FTO: variants seen among roughly 807,000 people sequenced by gnomAD.
FTO encodes alpha-ketoglutarate-dependent dioxygenase FTO.
A neutral mutation model predicts 63.9 loss-of-function variants in FTO; 47 were observed. That is an observed-to-expected ratio of 0.74 (90% confidence interval 0.58 to 0.94). The LOEUF is 0.94. FTO is among the 40% of genes least tolerant of loss of function. The pLI is 0.00. For missense variants in FTO, 562 were observed against 618.1 expected (o/e 0.91, Z 0.96); for synonymous variants, 207 against 224.4 (o/e 0.92, Z 0.69).
chr16:53,990,483 C>G (rs918684505), intron 8 of FTO, among the ~76,000 whole-genome samples: 11 of 152,216 alleles, frequency 7.2e-5, no homozygotes, highest in African/African-American at 2.4e-4. Context: ...TCACACCAGA[C>G]AGCGGCAGGC....
At chr16:53,836,006 A>G (rs779947538) in intron 3 of FTO, among the ~76,000 whole-genome samples, 8 of 150,768 alleles carry the variant, frequency 5.3e-5, no homozygotes, top group Non-Finnish European at 1.2e-4. Flanking sequence ...TTCTTCTGCC[A>G]CAGCCTCCTG....
chr16:53,929,242 C>T (rs1285869379), intron 7 of FTO, among the ~76,000 whole-genome samples: 2 of 152,198 alleles, frequency 1.3e-5, no homozygotes, highest in South Asian at 2.1e-4. Context: ...TCTTGCCCAA[C>T]CGAATCCCTA....
At chr16:53,819,838 C>T (rs1485161849) in intron 2 of FTO, among the ~76,000 whole-genome samples, 1 of 151,960 alleles carries the variant, frequency 6.6e-6, no homozygotes, top group Non-Finnish European at 1.5e-5. Context: ...TTTAGCACCC[C>T]AAAAAGATCT....
intron 8 of FTO, among the ~76,000 whole-genome samples, chr16:53,950,725 A>G (rs543438612): frequency 5.4e-4 from 83 of 152,344 alleles, no homozygotes; most frequent in African/African-American, 1.9e-3. Context: ...CTTACTAAAT[A>G]TTAGTAATAT....
chr16:53,717,196 T>C (rs1169644884), intron 1 of FTO, among the ~76,000 whole-genome samples: 1 of 152,006 alleles, frequency 6.6e-6, no homozygotes, highest in Non-Finnish European at 1.5e-5. Flanking sequence ...AGATTTTTGG[T>C]TCTCATTGTC....
At chr16:53,874,466 C>A (rs903488752) in intron 5 of FTO, among the ~76,000 whole-genome samples, 1 of 152,132 alleles carries the variant, frequency 6.6e-6, no homozygotes. Context: ...TCATATTAGT[C>A]ATGTTGGGGT....
rs752080961 is a variant in FTO at position 53,900,608 on chromosome 16, CTTTTTTTTTTT to C, written c.1239+11674_1239+11684del. Among the ~76,000 whole-genome samples, 78 of 67,198 alleles carry C rather than the reference CTTTTTTTTTTT, an allele frequency of 1.2e-3. 1 individual carries two copies. The highest frequency in any genetic ancestry group is 5.2e-3 in the Admixed American group (23 of 4,430). 44.1% of individuals were successfully genotyped at this position (67,198 alleles called of 152,430 possible). ...CAGTCATTTAATCATTCATCTGCTC[CTTTTTTTTTTT>C]TTTTTTTTTTTTTTTTGCAGATAAG... On this transcript the variant is annotated intron_variant, in intron 7 of 8. Transcript: ENST00000471389.
chr16:53,823,571 AT>A (rs1294308209), intron 2 of FTO, among the ~76,000 whole-genome samples: 2 of 142,286 alleles, frequency 1.4e-5, no homozygotes, highest in African/African-American at 5.3e-5. Context: ...TGAACTCTTC[AT>A]TTCCCCCTTT....
intron 8 of FTO, among the ~76,000 whole-genome samples, chr16:53,947,435 C>T (rs969694661): frequency 9.2e-5 from 14 of 152,192 alleles, no homozygotes; most frequent in African/African-American, 2.9e-4. Context: ...ATAACTAACT[C>T]TGGGCTTGGT....
intron 8 of FTO, among the ~76,000 whole-genome samples, chr16:53,997,245 G>A (rs1297813647): frequency 6.6e-6 from 1 of 151,892 alleles, no homozygotes; most frequent in Non-Finnish European, 1.5e-5. Context: ...GAAAGAAAGA[G>A]AAACCATCAG....
chr16:53,706,778 A>G (rs2151453938), intron 1 of FTO, among the ~76,000 whole-genome samples: 1 of 152,302 alleles, frequency 6.6e-6, no homozygotes, highest in South Asian at 2.1e-4. Flanking sequence ...TTAGTGGCCC[A>G]CTGTATGGAG....
intron 8 of FTO, among the ~76,000 whole-genome samples, chr16:54,074,073 A>G (rs1374743257): frequency 6.6e-6 from 1 of 151,920 alleles, no homozygotes; most frequent in Non-Finnish European, 1.5e-5. Context: ...CCTGCCTGCT[A>G]GTTCTACCCT....
In FTO at chr16:54,001,166, T is replaced by C. The variant is rs552733479; in HGVS notation, c.1364+67057T>C. 2.6e-5 allele frequency among the ~76,000 whole-genome samples: 4 copies of C among 152,354 alleles called. No homozygotes were observed. In the South Asian group the frequency reaches 6.2e-4, roughly 24 times the overall value. On this transcript the variant is annotated intron_variant, in intron 8 of 8. Coordinates refer to ENST00000471389, the MANE Select transcript of FTO (RefSeq NM_001080432.3). ...GCAAAGATGACTGTTGGCCAAACTTTGGATTTCTGAGACTGATTTCAGTGA... is the reference window on the plus strand; with the variant it reads ...GCAAAGATGACTGTTGGCCAAACTTCGGATTTCTGAGACTGATTTCAGTGA...
intron 1 of FTO, among the ~76,000 whole-genome samples, chr16:53,721,430 T>A (rs1239706457): frequency 1.3e-5 from 2 of 152,248 alleles, no homozygotes; most frequent in Non-Finnish European, 2.9e-5. Context: ...TTAATATTTT[T>A]AAAATTTTTT....
chr16:53,893,825 G>A (rs547479284), intron 7 of FTO, among the ~76,000 whole-genome samples: 2 of 152,156 alleles, frequency 1.3e-5, no homozygotes, highest in Admixed American at 6.5e-5. Flanking sequence ...GATCCTGATG[G>A]TTTTGAATGT....
chr16:53,714,827 G>A (rs1222459038), intron 1 of FTO, among the ~76,000 whole-genome samples: 1 of 152,126 alleles, frequency 6.6e-6, no homozygotes, highest in Non-Finnish European at 1.5e-5. Flanking sequence ...TGCAAGGGAG[G>A]AAAGGATGAG....
At chr16:53,843,829 T>TAAA in intron 3 of FTO, among the ~76,000 whole-genome samples, 1 of 151,538 alleles carries the variant, frequency 6.6e-6, no homozygotes, top group East Asian at 1.9e-4. Flanking sequence ...TTTTTTTTTT[T>TAAA]AATAGAGATG....
chr16:53,898,410 T>C (rs2081324562), intron 7 of FTO, among the ~76,000 whole-genome samples: 3 of 152,172 alleles, frequency 2.0e-5, no homozygotes, highest in Non-Finnish European at 2.9e-5. Flanking sequence ...CACTCTCTCA[T>C]TGTAGCAGGG....
At chr16:53,854,568 C>A (rs1442640320) in intron 4 of FTO, among the ~76,000 whole-genome samples, 1 of 151,800 alleles carries the variant, frequency 6.6e-6, no homozygotes, top group African/African-American at 2.4e-5. Context: ...CCAGTATATC[C>A]TTTGTCGAAG....
Sources: allele counts gnomAD v4.1 joint callset (sites outside exome capture counted in the v4.1 genomes callset), GRCh38; gene constraint gnomAD v4.1.1; transcripts MANE v1.5; gene names NCBI Gene and HGNC (gene_info 2026-07-23, HGNC 2026-07-21).